CELF2: variants seen among roughly 807,000 people sequenced by gnomAD.
The protein encoded by CELF2 is CUGBP Elav-like family member 2.
Under a neutral mutation model 62.6 loss-of-function variants are expected in CELF2, and 8 were observed. The observed-to-expected ratio is 0.13, with a 90% CI of 0.07 to 0.23. CELF2 has a LOEUF of 0.23. Ranked by LOEUF, CELF2 falls within the 10% of genes least tolerant of loss-of-function variation. CELF2 has a pLI of 1.00. For missense variants in CELF2, 333 were observed against 671.0 expected (o/e 0.50, Z 5.56); for synonymous variants, 258 against 250.0 (o/e 1.03, Z -0.30).
intron 1 of CELF2, among the ~76,000 whole-genome samples, chr10:11,135,691 C>T (rs1017215814): frequency 1.3e-5 from 2 of 152,336 alleles, no homozygotes; most frequent in Admixed American, 6.5e-5. Flanking sequence ...CTCATTCATC[C>T]TCCCTTTATG....
At chr10:10,929,937 C>T (rs2065902573) in intron 2 of CELF2, among the ~76,000 whole-genome samples, 1 of 152,198 alleles carries the variant, frequency 6.6e-6, no homozygotes, top group Admixed American at 6.5e-5. Flanking sequence ...AGTCCCTTGA[C>T]CTTGCTATAA....
intron 3 of CELF2, among the ~76,000 whole-genome samples, chr10:11,225,342 C>T (rs1455312264): frequency 6.6e-6 from 1 of 152,202 alleles, no homozygotes; most frequent in South Asian, 2.1e-4. Flanking sequence ...CTTAAAAACG[C>T]TTGCAATGCC....
chr10:10,937,116 C>CTTTTCTTTTTTTTTTTTTTTTTTTTTTTT (rs2046483316), intron 2 of CELF2, among the ~76,000 whole-genome samples: 1 of 117,580 alleles, frequency 8.5e-6, no homozygotes, highest in Non-Finnish European at 1.8e-5. Flanking sequence ...TTTTGTTTTT[C>CTTTTCTTTTTTTTTTTTTTTTTTTTTTTT]TTTTCTTTTT....
the CELF2 span, among the ~76,000 whole-genome samples, chr10:10,572,405 A>G: frequency 1.3e-5 from 2 of 151,748 alleles, no homozygotes; most frequent in African/African-American, 4.8e-5. Flanking sequence ...GTTTTGTTAC[A>G]TAGGTAAACG....
intron 1 of CELF2, among the ~76,000 whole-genome samples, chr10:10,857,682 T>TATATATATATATATATATATA (rs59587498): frequency 6.6e-5 from 9 of 135,710 alleles, no homozygotes; most frequent in African/African-American, 8.2e-5. Context: ...TATATATATA[T>TATATATATATATATATATATA]TTTACCTCAA....
At chr10:10,829,784 G>T (rs2057694974) in intron 1 of CELF2, among the ~76,000 whole-genome samples, 1 of 152,182 alleles carries the variant, frequency 6.6e-6, no homozygotes, top group African/African-American at 2.4e-5. Context: ...CACACACAGT[G>T]GCCTGGCTGA....
At chr10:10,496,965 G>A in the CELF2 span, among the ~76,000 whole-genome samples, 9 of 152,180 alleles carry the variant, frequency 5.9e-5, no homozygotes, top group African/African-American at 1.4e-4. Context: ...CAAGGTGGGC[G>A]GATCACTTCA....
In CELF2 at chr10:11,305,202, G is replaced by T. The variant is rs564647948; in HGVS notation, c.977-8937G>T. ...CAGGTTATCCACATAGCAGAGAAAAGAACTTTTTTCTGGAAAGTGGAGCTC... is the reference window on the plus strand; with the variant it reads ...CAGGTTATCCACATAGCAGAGAAAATAACTTTTTTCTGGAAAGTGGAGCTC... On this transcript the variant is annotated intron_variant, in intron 9 of 12. Coordinates refer to ENST00000633077, the MANE Select transcript of CELF2 (RefSeq NM_001326342.2). This position sits in a 1 kb window ranked among gnomAD's most constrained non-coding sequence, Gnocchi z 4.8. 6.6e-6 allele frequency among the ~76,000 whole-genome samples: 1 copy of T among 152,194 alleles called. No homozygotes were observed. Among genetic ancestry groups the T allele is most frequent in the Non-Finnish European group, 1.5e-5 (1 of 68,022 alleles).
chr10:11,165,413 C>T lies in CELF2; in HGVS notation c.75-73C>T, dbSNP rs988947274. On this transcript the variant is annotated intron_variant, in intron 1 of 12. Coordinates refer to ENST00000633077, the MANE Select transcript of CELF2 (RefSeq NM_001326342.2). The surrounding 1 kb of genome is among the most constrained non-coding windows in gnomAD (Gnocchi z 7.4). ...TCCTCCTTCCGCCTCCCCGCTCCCC[C>T]ACCCCCACTATTTTTTCTTCCTGTC... 3 of 1,550,984 alleles carry T rather than the reference C, an allele frequency of 1.9e-6. No homozygotes were observed. Among genetic ancestry groups the T allele is most frequent in the Admixed American group, 1.9e-5 (1 of 52,814 alleles).
chr10:10,541,479 C>T, the CELF2 span, among the ~76,000 whole-genome samples: 2 of 152,110 alleles, frequency 1.3e-5, no homozygotes, highest in African/African-American at 2.4e-5. Flanking sequence ...GCTCTTGGTT[C>T]GCTATTTTAT....
chr10:11,323,777 G>T (rs1341797533), intron 11 of CELF2, among the ~76,000 whole-genome samples: 2 of 152,302 alleles, frequency 1.3e-5, no homozygotes, highest in East Asian at 3.9e-4. Context: ...TGATGAAAGG[G>T]TGACTTGTGA....
At chr10:11,074,798 A>G (rs1594684871) in intron 1 of CELF2, 1 of 152,108 alleles carries the variant, frequency 6.6e-6, no homozygotes, top group South Asian at 2.1e-4. Context: ...TCCAACCTCT[A>G]CCTAGGAAAA....
In CELF2 at chr10:11,007,489, G is replaced by T. The variant is rs948841768; in HGVS notation, c.53+2049G>T. Among the ~76,000 whole-genome samples the T allele has an allele frequency of 3.3e-5, 5 of 152,112 alleles. 1 individual carries two copies. The highest frequency in any genetic ancestry group is 2.0e-4 in the Admixed American group (3 of 15,276). ...TCTATGGACAGTATTTTCAGAGTAG[G>T]TACACTCAAAACATATGTGCAGCAT... On this transcript the variant is annotated intron_variant, in intron 1 of 12. Transcript: ENST00000416382.
the CELF2 span, among the ~76,000 whole-genome samples, chr10:10,679,261 C>T: frequency 3.3e-5 from 5 of 152,106 alleles, no homozygotes; most frequent in African/African-American, 1.2e-4. Flanking sequence ...AGTAATAAGA[C>T]TAAGGACAAA....
At chr10:10,878,929 G>A (rs549233668) in intron 1 of CELF2, among the ~76,000 whole-genome samples, 5 of 152,226 alleles carry the variant, frequency 3.3e-5, no homozygotes, top group African/African-American at 9.6e-5. Context: ...TCCCTCAGAT[G>A]CATTGTCTAT....
chr10:11,149,898 C>G (rs1022732735), intron 1 of CELF2, among the ~76,000 whole-genome samples: 4 of 152,192 alleles, frequency 2.6e-5, no homozygotes, highest in Non-Finnish European at 4.4e-5. Flanking sequence ...TCTCCAAAAA[C>G]CCTAATGTCT....
chr10:10,791,672 G>A, the CELF2 span, among the ~76,000 whole-genome samples: 1 of 152,064 alleles, frequency 6.6e-6, no homozygotes, highest in Non-Finnish European at 1.5e-5. Context: ...AAAAGTCTCT[G>A]TGAATTGTTT....
At chr10:11,175,195 G>A (rs139096725) in intron 2 of CELF2, among the ~76,000 whole-genome samples, 5 of 152,228 alleles carry the variant, frequency 3.3e-5, no homozygotes, top group African/African-American at 4.8e-5. Flanking sequence ...ATTGGGAAAC[G>A]TTTTTGAAGG....
chr10:11,037,837 T>C (rs530209947), intron 1 of CELF2, among the ~76,000 whole-genome samples: 70 of 152,344 alleles, frequency 4.6e-4, no homozygotes, highest in Middle Eastern at 6.8e-3. Flanking sequence ...TTCATGGTCC[T>C]ATGATTTTAA....
Sources: allele counts gnomAD v4.1 joint callset (sites outside exome capture counted in the v4.1 genomes callset), GRCh38; gene constraint gnomAD v4.1.1; non-coding constraint Gnocchi (gnomAD v3.1); transcripts MANE v1.5; gene names NCBI Gene and HGNC (gene_info 2026-07-23, HGNC 2026-07-21).